Variants in ZSCAN12 observed in about 807,000 individuals in gnomAD.
The protein encoded by ZSCAN12 is zinc finger and SCAN domain containing 12.
In ZSCAN12, 18 loss-of-function variants were observed where a neutral mutation model predicts 23.4. The ratio of observed to expected loss-of-function variants is 0.77; its 90% confidence interval spans 0.53 to 1.14. The LOEUF is 1.14. ZSCAN12 is among the 50% of genes most tolerant of loss of function. The probability of loss-of-function intolerance (pLI) is 0.00; values close to 1 mark genes in which losing one functional copy is unlikely to be tolerated. For missense variants in ZSCAN12, 650 were observed against 735.0 expected (o/e 0.88, Z 1.34); for synonymous variants, 186 against 253.4 (o/e 0.73, Z 2.53).
intron 2 of ZSCAN12, among the ~76,000 whole-genome samples, chr6:28,393,441 A>G (rs966600474): frequency 1.5e-4 from 22 of 150,560 alleles, no homozygotes; most frequent in Non-Finnish European, 1.5e-4. Flanking sequence ...AGGAAAGGGG[A>G]TATGTAAAGG....
rs1258111915 is a variant in ZSCAN12, at chr6:28,390,534, A to G, written c.1756T>C (p.Cys586Arg). 6.4e-7 allele frequency: 1 copy of G among 1,560,318 alleles called. No homozygotes were observed. The highest frequency in any genetic ancestry group is 8.7e-7 in the Non-Finnish European group (1 of 1,152,598). The change falls in exon 4 of 4, where the codon TGT becomes CGT. Residue 586 changes from cysteine to arginine, a missense_variant. Coordinates refer to ENST00000684592, the MANE Select transcript of ZSCAN12 (RefSeq NM_001163391.2). The stretch of plus-strand genomic sequence containing the variant: ...GAGTTCTGCCTGAATGATTTCCCAC[A>G]CTCTTTACATACATAGGTACCACGT... ...NRRGTYVCKE[C>R]GKSFRQNSAL...
chr6:28,380,265 T>G (rs916324171), downstream of ZSCAN12: 3 of 152,216 alleles, frequency 2.0e-5, no homozygotes, highest in African/African-American at 7.2e-5. Context: ...ATGAATTCAC[T>G]CACTGATTTT....
Position 28,392,933 on chromosome 6 carries a change from T to C in ZSCAN12, c.516A>G (p.Glu172=). 1.3e-6 allele frequency: 2 copies of C among 1,552,248 alleles called. No individual in the cohort carries two copies. Among genetic ancestry groups the C allele is most frequent in the East Asian group, 2.4e-5 (1 of 40,922 alleles). ...LQSMKAQPKY[E]SPELESQQEQ... ...CCTGTTGGGATTCAAGTTCTGGAGA[T>C]TCATACTTTGGCTGGGCTTTCATGG... Residue 172 remains glutamate, a synonymous_variant, in exon 3 of 4, where the codon GAA becomes GAG. Coordinates refer to ENST00000684592, the MANE Select transcript of ZSCAN12 (RefSeq NM_001163391.2).
At chr6:28,393,093 A>C in intron 2 of ZSCAN12, 47 bp from the exon 3 acceptor site, 1 of 1,542,474 alleles carries the variant, frequency 6.5e-7, no homozygotes. Flanking sequence ...GATAACAGAA[A>C]ACAAAAAGTA....
chr6:28,392,844 C>T, intron 3 of ZSCAN12, 58 bp downstream of exon 3: 1 of 1,529,112 alleles, frequency 6.5e-7, no homozygotes, highest in Non-Finnish European at 8.8e-7. Context: ...CAAAAAAGCC[C>T]CAATGTCCTA....
At position 28,398,387 on chromosome 6, in the gene ZSCAN12, T is replaced by C; in HGVS notation, c.19A>G (p.Ile7Val). Reference protein sequence around the residue: MASTWAIQAHMDQDEPL... With the variant: MASTWAVQAHMDQDEPL... ...TCATCCTGGTCCATGTGGGCCTGGATAGCCCAAGTAGATGCCATTTTAGCT... is the reference window on the plus strand; with the variant it reads ...TCATCCTGGTCCATGTGGGCCTGGACAGCCCAAGTAGATGCCATTTTAGCT... Residue 7 changes from isoleucine to valine, a missense_variant, in exon 2 of 4, where the codon ATC becomes GTC. By Grantham distance (29) the Ile-to-Val change is conservative (BLOSUM62 3). Transcript: ENST00000684592. 1 of 1,547,442 alleles carries C rather than the reference T, an allele frequency of 6.5e-7. No homozygotes were observed.
At chr6:28,384,179 A>G (rs1409973661), downstream of ZSCAN12, among the ~76,000 whole-genome samples, 1 of 152,198 alleles carries the variant, frequency 6.6e-6, no homozygotes, top group Non-Finnish European at 1.5e-5. Flanking sequence ...TGGCCAGAGG[A>G]AGCTGCAGAG....
downstream of ZSCAN12, among the ~76,000 whole-genome samples, chr6:28,384,315 G>A (rs1394039686): frequency 6.6e-6 from 1 of 152,160 alleles, no homozygotes; most frequent in East Asian, 1.9e-4. Flanking sequence ...TAAGCTTGAA[G>A]AGGAGTAATG....
At position 28,389,436 on chromosome 6, in the gene ZSCAN12, G is replaced by A. The variant is rs1445384659; in HGVS notation, c.*1018C>T. 6.6e-6 allele frequency among the ~76,000 whole-genome samples: 1 copy of A among 152,160 alleles called. No homozygotes were observed. The highest frequency in any genetic ancestry group is 1.9e-4 in the East Asian group (1 of 5,192). The stretch of plus-strand genomic sequence containing the variant: ...AGTCTGCAGTGGCCTTTAGTTTATA[G>A]GACTGTGTTCAGGCTTCCCCACTTC... On this transcript the variant is annotated 3_prime_UTR_variant, in exon 4 of 4. Transcript: ENST00000684592.
At chr6:28,382,786 C>G (rs941237305), downstream of ZSCAN12, among the ~76,000 whole-genome samples, 1 of 152,202 alleles carries the variant, frequency 6.6e-6, no homozygotes, top group Non-Finnish European at 1.5e-5. Context: ...TAGCCTTTTA[C>G]TCTCTAAAAG....
downstream of ZSCAN12, chr6:28,382,573 A>AT: frequency 1.3e-6 from 2 of 1,551,712 alleles, no homozygotes; most frequent in Non-Finnish European, 1.7e-6. Context: ...GTTCAGAGTG[A>AT]TTTTTCAGAA....
chr6:28,389,677 T>A lies in ZSCAN12; in HGVS notation c.*777A>T, dbSNP rs146867358. Among the ~76,000 whole-genome samples, 17 of 152,334 alleles carry A rather than the reference T, an allele frequency of 1.1e-4. No individual in the cohort carries two copies. In the East Asian group the frequency reaches 3.3e-3, roughly 29 times the overall value. On this transcript the variant is annotated 3_prime_UTR_variant, in exon 4 of 4. Coordinates refer to ENST00000684592, the MANE Select transcript of ZSCAN12 (RefSeq NM_001163391.2). ...GGATCACTAGAGTAATGGCCAGGAC[T>A]AGAAGTCAAAAGACCTGCACTTAGG...
At position 28,388,098 on chromosome 6, in the gene ZSCAN12, C is replaced by T. The variant is rs9461458; in HGVS notation, c.*2356G>A. Among the ~76,000 whole-genome samples, 53,743 of 151,960 alleles carry T rather than the reference C, an allele frequency of 0.35. 10,224 individuals carry two copies. The highest frequency in any genetic ancestry group is 0.49 in the African/African-American group (20,478 of 41,382). ...AGGCAGGGTAAACTTAGGTAGAGCA[C>T]AGGCCTCACATACTTAGAGCTACAG... On this transcript the variant is annotated 3_prime_UTR_variant, in exon 4 of 4. Transcript: ENST00000684592.
Position 28,398,033 on chromosome 6 carries a change from C to A in ZSCAN12, c.373G>T (p.Glu125Ter). The A allele has an allele frequency of 6.2e-7, 1 of 1,607,296 alleles. No individual in the cohort carries two copies. The highest frequency in any genetic ancestry group is 1.1e-5 in the South Asian group (1 of 90,356). Residue 125 changes from glutamate (E) to a stop codon, truncating the protein, a stop_gained, in exon 2 of 4, where the codon GAG becomes TAG. Coordinates refer to ENST00000684592, the MANE Select transcript of ZSCAN12 (RefSeq NM_001163391.2). LOFTEE classifies it high-confidence loss of function. ...TCTCCTGGTTCATCCAGTTCTCTCTCTAAATCCTCCAGCACAGTCACCACC... is the reference window on the plus strand; with the variant it reads ...TCTCCTGGTTCATCCAGTTCTCTCTATAAATCCTCCAGCACAGTCACCACC... The part of the protein sequence containing the change: ...EEVVTVLEDL[E>*]RELDEPGEQV...
rs1561957872 is a variant in ZSCAN12, at chr6:28,390,705, C to G, written c.1585G>C (p.Glu529Gln). 6.2e-7 allele frequency: 1 copy of G among 1,612,538 alleles called. No homozygotes were observed. The highest frequency in any genetic ancestry group is 1.3e-5 in the African/African-American group (1 of 74,838). ...ATTCCTCGGAAGGCATTCCCACACT[C>G]ATCACACTTGTAGGGCCTCTCTCCA... ...HTGERPYKCD[E>Q]CGNAFRGITS... is the part of the protein sequence containing the mutation. Residue 529 changes from glutamate to glutamine, a missense_variant, in exon 4 of 4, where the codon GAG becomes CAG. Physicochemically the swap from Glu to Gln is conservative, Grantham distance 29. Coordinates refer to ENST00000684592, the MANE Select transcript of ZSCAN12 (RefSeq NM_001163391.2).
At position 28,387,093 on chromosome 6, in the gene ZSCAN12, G is replaced by C. The variant is rs1481558502; in HGVS notation, c.*3361C>G. ...GCCCACCTCGGCCTCCCAAAGTGCT[G>C]GGATTATAAGTGTGAGCCACTGCAC... On this transcript the variant is annotated 3_prime_UTR_variant, in exon 4 of 4. Coordinates refer to ENST00000684592, the MANE Select transcript of ZSCAN12 (RefSeq NM_001163391.2). Among the ~76,000 whole-genome samples the C allele has an allele frequency of 2.0e-5, 3 of 152,114 alleles. No homozygotes were observed. The highest frequency in any genetic ancestry group is 6.5e-5 in the Admixed American group (1 of 15,272).
At chr6:28,379,262 T>A (rs1054305710) in exon 5 of ZSCAN12, 4 of 152,122 alleles carry the variant, frequency 2.6e-5, no homozygotes, top group African/African-American at 4.8e-5. Flanking sequence ...AGAAAAAATA[T>A]CAGTCATTAT....
Position 28,398,174 on chromosome 6 carries a change from C to G in ZSCAN12, c.232G>C (p.Glu78Gln), listed in dbSNP as rs777775365. ...AGAATCTGTTCTTTGGTGTGGGTCT[C>G]TGGCCTCAGCCACTGATGGCAAAGT... is the stretch of plus-strand genomic sequence containing the variant. ...RELCHQWLRP[E>Q]THTKEQILEL... Residue 78 changes from glutamate (E) to glutamine (Q), a missense_variant, in exon 2 of 4, where the codon GAG (glutamate) becomes CAG (glutamine). Glu to Gln is a conservative substitution (Grantham distance 29). Coordinates refer to ENST00000684592, the MANE Select transcript of ZSCAN12 (RefSeq NM_001163391.2). 3 of 1,613,972 alleles carry G rather than the reference C, an allele frequency of 1.9e-6. No homozygotes were observed. The highest frequency in any genetic ancestry group is 1.3e-5 in the African/African-American group (1 of 74,908).
Position 28,398,307 on chromosome 6 carries a change from G to A in ZSCAN12, c.99C>T (p.Asp33=). The A allele has an allele frequency of 6.3e-7, 1 of 1,581,306 alleles. No individual in the cohort carries two copies. Among genetic ancestry groups the A allele is most frequent in the Non-Finnish European group, 8.6e-7 (1 of 1,163,324 alleles). Residue 33 remains aspartate, a synonymous_variant, in exon 2 of 4, where the codon GAC becomes GAT. Coordinates refer to ENST00000684592, the MANE Select transcript of ZSCAN12 (RefSeq NM_001163391.2). ...TGCTATGGGTGTTGTTTTTACGCAG[G>A]TCCCAATCCTGTCTGGTGGTATATT... ...EEKYTTRQDW[D]LRKNNTHSRE...
Sources: allele counts gnomAD v4.1 joint callset (sites outside exome capture counted in the v4.1 genomes callset), GRCh38; gene constraint gnomAD v4.1.1; transcripts MANE v1.5; gene names NCBI Gene and HGNC (gene_info 2026-07-23, HGNC 2026-07-21).